The following PDE11A variants were observed in gnomAD, a reference collection of about 807,000 sequenced individuals.
The protein encoded by PDE11A is dual 3',5'-cyclic-AMP and -GMP phosphodiesterase 11A.
In PDE11A, 100 loss-of-function variants were observed where a neutral mutation model predicts 100.5. That is an observed-to-expected ratio of 1.00 (90% CI 0.85 to 1.18). The LOEUF is 1.18. Among genes scored for constraint, PDE11A ranks in the 50% most tolerant of loss-of-function variants. The pLI is 0.00. For synonymous variants in PDE11A, 381 were observed against 420.8 expected (o/e 0.91, Z 1.16); for missense variants, 1,141 against 1,152.6 (o/e 0.99, Z 0.15).
At chr2:177,848,865 T>A (rs1374448793) in intron 5 of PDE11A, among the ~76,000 whole-genome samples, 2 of 152,138 alleles carry the variant, frequency 1.3e-5, no homozygotes, top group Non-Finnish European at 2.9e-5. Flanking sequence ...AAGGTTCAAA[T>A]ACAGAGAACT....
At chr2:177,849,851 G>A (rs985590893) in intron 5 of PDE11A, among the ~76,000 whole-genome samples, 8 of 151,520 alleles carry the variant, frequency 5.3e-5, no homozygotes, top group Admixed American at 2.0e-4. Context: ...CCTCTTCAAG[G>A]AGAACTAAAA....
At chr2:177,656,992 C>G in intron 19 of PDE11A, among the ~76,000 whole-genome samples, 1 of 151,998 alleles carries the variant, frequency 6.6e-6, no homozygotes, top group Non-Finnish European at 1.5e-5. Context: ...CCGAGGACTT[C>G]GGAAGGTACC....
chr2:177,759,298 T>G (rs912716919), intron 10 of PDE11A, among the ~76,000 whole-genome samples: 12 of 152,098 alleles, frequency 7.9e-5, no homozygotes, highest in African/African-American at 2.9e-4. Flanking sequence ...TATGTTAAAA[T>G]CATCATATTT....
intron 13 of PDE11A, among the ~76,000 whole-genome samples, chr2:177,705,643 G>T (rs1344549762): frequency 1.3e-5 from 2 of 152,176 alleles, no homozygotes; most frequent in African/African-American, 4.8e-5. Context: ...CCCTAGATAT[G>T]CATATTCTTT....
At chr2:177,636,238 A>G (rs1378881942) in intron 19 of PDE11A, among the ~76,000 whole-genome samples, 2 of 152,198 alleles carry the variant, frequency 1.3e-5, no homozygotes, top group Non-Finnish European at 2.9e-5. Flanking sequence ...AGAAGGATAC[A>G]CAAATCTAGA....
chr2:177,679,293 G>C (rs183205807), intron 16 of PDE11A, among the ~76,000 whole-genome samples: 4 of 152,264 alleles, frequency 2.6e-5, no homozygotes, highest in East Asian at 3.9e-4. Context: ...GATAAAAGAT[G>C]ATGAGGTAAA....
rs1424528173 is a variant in PDE11A at position 177,905,202 on chromosome 2, G to C, written c.1072-15C>G. On this transcript the variant is annotated splice_polypyrimidine_tract_variant and intron_variant, in intron 2 of 19. Transcript: ENST00000286063. ...ATCTGCATAACCTGGGACAAAGAGA[G>C]TAGTAAGAACATTAAAACATAAGAA... The C allele has an allele frequency of 2.1e-6, 3 of 1,440,938 alleles. No individual in the cohort carries two copies. The highest frequency in any genetic ancestry group is 2.9e-6 in the Non-Finnish European group (3 of 1,021,628). 89.3% of individuals were successfully genotyped at this position (1,440,938 alleles called of 1,614,324 possible).
At chr2:177,956,777 G>A (rs1351065094) in intron 2 of PDE11A, among the ~76,000 whole-genome samples, 1 of 151,950 alleles carries the variant, frequency 6.6e-6, no homozygotes, top group Non-Finnish European at 1.5e-5. Flanking sequence ...GGATGGAACT[G>A]GAAACCATCA....
intron 10 of PDE11A, among the ~76,000 whole-genome samples, chr2:177,751,158 G>A (rs2082020713): frequency 6.6e-6 from 1 of 150,582 alleles, no homozygotes; most frequent in Admixed American, 6.6e-5. Context: ...CCAAAGCTCT[G>A]ATGTGTCTGA....
intron 9 of PDE11A, among the ~76,000 whole-genome samples, chr2:177,808,916 G>A (rs2082909865): frequency 6.6e-6 from 1 of 152,046 alleles, no homozygotes; most frequent in Non-Finnish European, 1.5e-5. Flanking sequence ...ACTTACAATG[G>A]AATATTATTC....
intron 1 of PDE11A, among the ~76,000 whole-genome samples, chr2:178,068,026 G>A (rs565046367): frequency 1.3e-5 from 2 of 152,150 alleles, no homozygotes; most frequent in Admixed American, 6.5e-5. Flanking sequence ...TTCACCTCAC[G>A]ATTTTTATGA....
intron 4 of PDE11A, among the ~76,000 whole-genome samples, chr2:177,885,596 T>C (rs919533659): frequency 6.6e-5 from 10 of 151,996 alleles, no homozygotes; most frequent in African/African-American, 2.4e-4. Flanking sequence ...GGCTTCTTTA[T>C]AGGGAGAAGG....
chr2:177,770,000 G>A (rs1188791294), intron 9 of PDE11A, among the ~76,000 whole-genome samples: 2 of 151,868 alleles, frequency 1.3e-5, no homozygotes, highest in East Asian at 1.9e-4. Flanking sequence ...TAGAGCATGT[G>A]TGTGCGATCT....
chr2:177,956,134 G>A (rs1267385130), intron 2 of PDE11A, among the ~76,000 whole-genome samples: 1 of 151,842 alleles, frequency 6.6e-6, no homozygotes, highest in Non-Finnish European at 1.5e-5. Context: ...CCTACAGAAT[G>A]GGAGAAAATT....
In PDE11A at chr2:178,105,702, T is replaced by A. The variant is rs1048688613; in HGVS notation, c.-13-1226A>T. The A allele has an allele frequency of 4.0e-6, 4 of 998,826 alleles. No individual in the cohort carries two copies. The African/African-American group carries it at 5.0e-5, about 12-fold the overall frequency. 61.9% of individuals were successfully genotyped at this position (998,826 alleles called of 1,614,324 possible). On this transcript the variant is annotated intron_variant, in intron 1 of 20. Coordinates refer to the PDE11A transcript ENST00000358450. ...TAATGAAGGCCCTGAATGTGGAACC[T>A]GATGGCATAGGTCTCACCTGCAGCC...
chr2:178,010,339 G>A (rs945552799), intron 2 of PDE11A, among the ~76,000 whole-genome samples: 1 of 152,190 alleles, frequency 6.6e-6, no homozygotes, highest in African/African-American at 2.4e-5. Flanking sequence ...TTATGCTATT[G>A]AACGTGGGAC....
intron 10 of PDE11A, among the ~76,000 whole-genome samples, chr2:177,737,611 G>A (rs572827395): frequency 1.3e-5 from 2 of 151,496 alleles, no homozygotes; most frequent in African/African-American, 4.8e-5. Context: ...AGCCAAGAGA[G>A]AGGGGCAGGG....
intron 1 of PDE11A, among the ~76,000 whole-genome samples, chr2:178,068,218 C>T (rs2087074580): frequency 6.6e-6 from 1 of 151,770 alleles, no homozygotes; most frequent in Non-Finnish European, 1.5e-5. Flanking sequence ...GGACTGGATA[C>T]CTAAAAATGA....
chr2:177,724,258 C>T (rs946590886), intron 12 of PDE11A, among the ~76,000 whole-genome samples: 1 of 151,766 alleles, frequency 6.6e-6, no homozygotes, highest in Admixed American at 6.6e-5. Flanking sequence ...AAGTCATTAA[C>T]AGGGTTCCCA....
Sources: allele counts gnomAD v4.1 joint callset (sites outside exome capture counted in the v4.1 genomes callset), GRCh38; gene constraint gnomAD v4.1.1; transcripts MANE v1.5; gene names NCBI Gene and HGNC (gene_info 2026-07-23, HGNC 2026-07-21).